Variants in PTPRD observed in about 807,000 individuals in gnomAD.
The protein encoded by PTPRD is protein tyrosine phosphatase receptor type D.
A neutral mutation model predicts 214.5 loss-of-function variants in PTPRD; 34 were observed. That is an observed-to-expected ratio of 0.16 (90% CI 0.12 to 0.21). The LOEUF (loss-of-function observed/expected upper bound fraction) is 0.21, where lower values mean the gene tolerates loss of function less well. Ranked by LOEUF, PTPRD falls within the 10% of genes least tolerant of loss-of-function variation. PTPRD has a pLI of 1.00. For missense variants in PTPRD, 2,545 were observed against 2,398.7 expected, an observed-to-expected ratio of 1.06 and a Z score of -1.27; for synonymous variants, 1,128 against 845.7, an observed-to-expected ratio of 1.33 and a Z score of -5.79.
intron 12 of PTPRD, among the ~76,000 whole-genome samples, chr9:8,681,233 T>G (rs778754492): frequency 6.6e-6 from 1 of 151,958 alleles, no homozygotes; most frequent in East Asian, 1.9e-4. Flanking sequence ...TAGAAATCAG[T>G]TTTTAGTTAA....
At chr9:8,830,644 G>A (rs925475036) in intron 11 of PTPRD, among the ~76,000 whole-genome samples, 4 of 152,130 alleles carry the variant, frequency 2.6e-5, no homozygotes, top group Admixed American at 1.3e-4. Flanking sequence ...CTATCATGAG[G>A]GGGCATGTTC....
intron 10 of PTPRD, among the ~76,000 whole-genome samples, chr9:9,033,904 T>A (rs1157831082): frequency 6.6e-6 from 1 of 152,124 alleles, no homozygotes; most frequent in Non-Finnish European, 1.5e-5. Context: ...CCCATTGAAA[T>A]CAAACAATAG....
intron 43 of PTPRD, among the ~76,000 whole-genome samples, chr9:8,331,950 GAAA>G (rs1564001889): frequency 8.4e-4 from 32 of 38,258 alleles, no homozygotes; most frequent in Admixed American, 4.4e-4. Context: ...ATTTACTCTT[GAAA>G]TCCTAAATTT....
chr9:9,649,962 G>A (rs370165854), intron 7 of PTPRD, among the ~76,000 whole-genome samples: 4 of 152,106 alleles, frequency 2.6e-5, no homozygotes, highest in Non-Finnish European at 4.4e-5. Context: ...AAAATGAAAC[G>A]GAGGGAGAAT....
intron 33 of PTPRD, among the ~76,000 whole-genome samples, chr9:8,458,808 G>C (rs1027334667): frequency 2.0e-5 from 3 of 152,046 alleles, no homozygotes; most frequent in African/African-American, 4.8e-5. Context: ...ATCATCAAAT[G>C]AGAGGAGATT....
intron 14 of PTPRD, among the ~76,000 whole-genome samples, chr9:8,540,118 C>G (rs1391291714): frequency 6.6e-6 from 1 of 152,038 alleles, no homozygotes; most frequent in African/African-American, 2.4e-5. Context: ...ACTGTAGTTT[C>G]TACTTTTCTA....
rs541519271 is a variant in PTPRD, at chr9:9,445,527, A to G, written c.-236-48045T>C. Among the ~76,000 whole-genome samples the G allele has an allele frequency of 3.3e-5, 5 of 152,278 alleles. No homozygotes were observed. The East Asian group carries it at 7.7e-4, about 24-fold the overall frequency. On this transcript the variant is annotated intron_variant, in intron 8 of 45. Coordinates refer to ENST00000381196, the MANE Select transcript of PTPRD (RefSeq NM_002839.4). ...GACTCATAGTTCTGCATGGCTGGGA[A>G]GACCTCAGGAAACTTACAATCATGG...
chr9:10,542,539 G>T (rs2059341586), intron 2 of PTPRD, among the ~76,000 whole-genome samples: 1 of 149,990 alleles, frequency 6.7e-6, no homozygotes, highest in Non-Finnish European at 1.5e-5. Flanking sequence ...TAGTGATGTT[G>T]TCTTATTAGA....
chr9:9,954,462 ATAC>A (rs2093734765), intron 4 of PTPRD, among the ~76,000 whole-genome samples: 1 of 151,970 alleles, frequency 6.6e-6, no homozygotes, highest in South Asian at 2.1e-4. Context: ...CATTATGAAA[ATAC>A]TTCTTGTAAG....
At chr9:9,354,427 C>A (rs746256809) in intron 9 of PTPRD, among the ~76,000 whole-genome samples, 1 of 151,696 alleles carries the variant, frequency 6.6e-6, no homozygotes, top group East Asian at 1.9e-4. Context: ...TATATTTTAT[C>A]ATACCTACAG....
At chr9:9,734,216 C>T (rs763195054) in intron 7 of PTPRD, among the ~76,000 whole-genome samples, 8 of 151,996 alleles carry the variant, frequency 5.3e-5, no homozygotes, top group Non-Finnish European at 1.0e-4. Context: ...CACATTTTAC[C>T]GCATAATCCT....
At chr9:8,587,497 C>T (rs766554244) in intron 14 of PTPRD, among the ~76,000 whole-genome samples, 27 of 151,956 alleles carry the variant, frequency 1.8e-4, no homozygotes, top group Admixed American at 7.2e-4. Flanking sequence ...TTGTAGAATT[C>T]GAAAATATTT....
Position 8,965,919 on chromosome 9 carries a change from T to C in PTPRD, c.-104+52778A>G, listed in dbSNP as rs117193069. Among the ~76,000 whole-genome samples, 538 of 152,236 alleles carry C rather than the reference T, an allele frequency of 3.5e-3. 1 individual carries two copies. Among genetic ancestry groups the C allele is most frequent in the South Asian group, 0.023 (110 of 4,830 alleles). On this transcript the variant is annotated intron_variant, in intron 11 of 45. Coordinates refer to ENST00000381196, the MANE Select transcript of PTPRD (RefSeq NM_002839.4). ...GACTCTGACAAAAGACTATGAGAACTGATAAACAATTTTAGCAAGGTTTCA... is the reference window on the plus strand; with the variant it reads ...GACTCTGACAAAAGACTATGAGAACCGATAAACAATTTTAGCAAGGTTTCA...
intron 12 of PTPRD, among the ~76,000 whole-genome samples, chr9:8,690,123 A>T (rs1038920138): frequency 2.7e-5 from 4 of 149,328 alleles, no homozygotes; most frequent in African/African-American, 9.9e-5. Flanking sequence ...AAAAAAAAAA[A>T]GAAAAATTAA....
chr9:8,707,248 G>A (rs1440276314), intron 12 of PTPRD, among the ~76,000 whole-genome samples: 3 of 152,174 alleles, frequency 2.0e-5, no homozygotes, highest in Admixed American at 1.3e-4. Context: ...AAGGTCACTT[G>A]AATAATTCTT....
intron 11 of PTPRD, among the ~76,000 whole-genome samples, chr9:8,935,636 G>A (rs2098991688): frequency 1.3e-5 from 2 of 152,286 alleles, no homozygotes; most frequent in Non-Finnish European, 1.5e-5. Flanking sequence ...AAGCCCTGGA[G>A]GAGAAGGCAT....
chr9:8,487,647 C>CA (rs905244437), intron 27 of PTPRD, among the ~76,000 whole-genome samples: 22 of 152,060 alleles, frequency 1.4e-4, no homozygotes, highest in Non-Finnish European at 3.1e-4. Context: ...CCTGTCTCTA[C>CA]AAAAAACACA....
chr9:9,588,514 T>A (rs912274715), intron 7 of PTPRD, among the ~76,000 whole-genome samples: 1 of 152,012 alleles, frequency 6.6e-6, no homozygotes, highest in Non-Finnish European at 1.5e-5. Flanking sequence ...GGATTTTCTA[T>A]AATATGGTAG....
In PTPRD at chr9:10,125,862, A is replaced by G. The variant is rs193297516; in HGVS notation, c.-544-92072T>C. Among the ~76,000 whole-genome samples the G allele has an allele frequency of 1.8e-3, 278 of 152,312 alleles. 5 individuals carry two copies. Among genetic ancestry groups the G allele is most frequent in the African/African-American group, 6.5e-3 (269 of 41,572 alleles). The stretch of plus-strand genomic sequence containing the variant: ...TTGGTATTGATATATGGATATAAAT[A>G]TGGATATAGAGGTCAATATAGATAT... On this transcript the variant is annotated intron_variant, in intron 3 of 45. Transcript: ENST00000381196.
Sources: allele counts gnomAD v4.1 joint callset (sites outside exome capture counted in the v4.1 genomes callset), GRCh38; gene constraint gnomAD v4.1.1; transcripts MANE v1.5; gene names NCBI Gene and HGNC (gene_info 2026-07-23, HGNC 2026-07-21).